The following FBXO25 variants were observed in gnomAD, a reference collection of about 807,000 sequenced individuals.
FBXO25 encodes F-box only protein 25.
In FBXO25, 45 loss-of-function variants were observed where a neutral mutation model predicts 51.9. The ratio of observed to expected loss-of-function variants is 0.87; its 90% CI spans 0.68 to 1.11. FBXO25 has a LOEUF of 1.11. Ranked by LOEUF, FBXO25 falls within the 50% of genes most tolerant of loss-of-function variation. The pLI, the probability that FBXO25 is intolerant of heterozygous loss-of-function variation, is 0.00. For missense variants in FBXO25, 507 were observed against 428.5 expected, an observed-to-expected ratio of 1.18 and a Z score of -1.62; for synonymous variants, 199 against 151.0, an observed-to-expected ratio of 1.32 and a Z score of -2.33.
chr8:464,965 G>A (rs1055819118), intron 9 of FBXO25, among the ~76,000 whole-genome samples: 2 of 152,292 alleles, frequency 1.3e-5, no homozygotes, highest in South Asian at 2.1e-4. Flanking sequence ...GTTTATTCTC[G>A]ATTTGGTGAA....
At chr8:463,229 A>C in intron 9 of FBXO25, 79 bp downstream of exon 9, 1 of 1,489,100 alleles carries the variant, frequency 6.7e-7, no homozygotes, top group Non-Finnish European at 9.2e-7. Flanking sequence ...TTTAAGTATA[A>C]GACTAAAAAG....
intron 5 of FBXO25, among the ~76,000 whole-genome samples, chr8:445,548 C>T (rs1371045021): frequency 6.6e-6 from 1 of 152,184 alleles, no homozygotes; most frequent in Non-Finnish European, 1.5e-5. Context: ...AATATTTCTC[C>T]ATTTATTTAA....
chr8:461,763 C>G (rs971177962), intron 8 of FBXO25, among the ~76,000 whole-genome samples: 22 of 152,314 alleles, frequency 1.4e-4, no homozygotes, highest in African/African-American at 4.1e-4. Flanking sequence ...TATGGCATTT[C>G]TCATCTTGTG....
At chr8:429,619 A>G (rs1380959974) in intron 2 of FBXO25, among the ~76,000 whole-genome samples, 3 of 152,190 alleles carry the variant, frequency 2.0e-5, no homozygotes. Flanking sequence ...CTACTTGTAC[A>G]TTTTTGTTTA....
intron 5 of FBXO25, among the ~76,000 whole-genome samples, 171 bp from the exon 6 acceptor site, chr8:449,819 T>G (rs1798966564): frequency 6.6e-6 from 1 of 152,182 alleles, no homozygotes; most frequent in African/African-American, 2.4e-5. Context: ...GAAGGTCTCT[T>G]CAGGTTTGCA....
intron 9 of FBXO25, chr8:467,682 C>G (rs779050056): frequency 3.1e-6 from 5 of 1,611,746 alleles, no homozygotes; most frequent in Non-Finnish European, 4.2e-6. Flanking sequence ...CCTCCCTTCA[C>G]TGCATTCCTT....
chr8:440,665 G>A (rs1367863941), intron 5 of FBXO25, among the ~76,000 whole-genome samples: 2 of 152,014 alleles, frequency 1.3e-5, no homozygotes, highest in African/African-American at 2.4e-5. Flanking sequence ...GTATACACAT[G>A]CCATGGTGGT....
At chr8:439,723 C>T (rs1214140492) in intron 5 of FBXO25, among the ~76,000 whole-genome samples, 9 of 152,316 alleles carry the variant, frequency 5.9e-5, no homozygotes, top group African/African-American at 2.2e-4. Flanking sequence ...CCACCTGCTC[C>T]TCATGTCTGG....
chr8:455,236 C>G (rs1319368075), intron 7 of FBXO25, among the ~76,000 whole-genome samples: 2 of 152,170 alleles, frequency 1.3e-5, no homozygotes. Flanking sequence ...CTGCTCTCTG[C>G]CAAGGGTCAT....
chr8:459,574 T>C (rs1020777574), intron 8 of FBXO25, among the ~76,000 whole-genome samples: 2 of 152,154 alleles, frequency 1.3e-5, no homozygotes, highest in Non-Finnish European at 2.9e-5. Context: ...GGATCCTGCC[T>C]CAGGAAAATA....
intron 5 of FBXO25, among the ~76,000 whole-genome samples, chr8:439,388 T>C (rs1008270789): frequency 1.3e-5 from 2 of 152,216 alleles, no homozygotes; most frequent in African/African-American, 4.8e-5. Context: ...ATGTTAAATA[T>C]GCTCTGTTTC....
At chr8:421,018 C>G (rs1797121272) in intron 2 of FBXO25, among the ~76,000 whole-genome samples, 1 of 152,220 alleles carries the variant, frequency 6.6e-6, no homozygotes, top group Non-Finnish European at 1.5e-5. Context: ...TCCCCAACCC[C>G]TAGGCCATGG....
At chr8:451,138 C>A in intron 6 of FBXO25, 131 bp from the exon 7 acceptor site, 1 of 681,766 alleles carries the variant, frequency 1.5e-6, no homozygotes. Context: ...GAATAATATT[C>A]TATTGCATGT....
chr8:432,231 C>T (rs1487218752), intron 3 of FBXO25, among the ~76,000 whole-genome samples: 1 of 152,028 alleles, frequency 6.6e-6, no homozygotes, highest in Non-Finnish European at 1.5e-5. Context: ...GACCAAGGGG[C>T]GGGTAGTGTA....
intron 9 of FBXO25, among the ~76,000 whole-genome samples, chr8:466,986 G>C (rs1457330258): frequency 6.6e-6 from 1 of 152,122 alleles, no homozygotes; most frequent in Non-Finnish European, 1.5e-5. Context: ...TTTTTTCTTG[G>C]TGTATCAGTT....
In FBXO25 at chr8:435,543, C is replaced by G. The variant is rs1412330651; in HGVS notation, c.289-72C>G. On this transcript the variant is annotated intron_variant, in intron 4 of 9. Coordinates refer to ENST00000350302, the MANE Select transcript of FBXO25 (RefSeq NM_183420.2). ...TTTGCCAAAAATTTTTTTAATCGCA[C>G]AATTAATTGACATTAACTGCCAATT... 3.9e-6 allele frequency: 6 copies of G among 1,524,068 alleles called. No individual in the cohort carries two copies. The East Asian group carries it at 1.1e-4, about 29-fold the overall frequency. The allele number at this position is 1,524,068 out of a possible 1,614,324, so 94.4% of individuals were successfully genotyped here. A position where few individuals can be genotyped will look rare whatever the true frequency, so the allele number is the denominator to read the frequency against.
intron 7 of FBXO25, among the ~76,000 whole-genome samples, chr8:454,855 C>T (rs555667499): frequency 2.1e-4 from 30 of 145,424 alleles, no homozygotes; most frequent in African/African-American, 3.4e-4. Context: ...CACACCACTG[C>T]ACTCCAGCCT....
intron 8 of FBXO25, 28 bp downstream of exon 8, chr8:458,579 A>G: frequency 1.9e-6 from 3 of 1,609,044 alleles, no homozygotes; most frequent in African/African-American, 2.7e-5. Flanking sequence ...GTCTCCCCTC[A>G]GGCTGGGAGT....
At chr8:427,368 G>C (rs1410714644) in intron 2 of FBXO25, among the ~76,000 whole-genome samples, 1 of 150,230 alleles carries the variant, frequency 6.7e-6, no homozygotes, top group African/African-American at 2.5e-5. Context: ...AATTATCACA[G>C]TCTGCATGTT....
Sources: gnomAD v4.1 joint callset for allele counts (sites outside exome capture counted in the v4.1 genomes callset) on GRCh38, gnomAD v4.1.1 for gene constraint, MANE v1.5 for transcripts, NCBI Gene and HGNC (gene_info 2026-07-23, HGNC 2026-07-21) for gene names.